Variants in KCNC2 observed in about 807,000 individuals in gnomAD.
The protein encoded by KCNC2 is potassium voltage-gated channel subfamily C member 2, also known as voltage-gated potassium channel KCNC2.
In KCNC2, 21 loss-of-function variants were observed where a neutral mutation model predicts 44.5. That is an observed-to-expected ratio of 0.47 (90% CI 0.33 to 0.68). The LOEUF is 0.68. Among genes scored for constraint, KCNC2 ranks in the 30% least tolerant of loss-of-function variants. KCNC2 has a pLI of 0.01. For missense variants in KCNC2, 589 were observed against 826.2 expected (o/e 0.71, Z 3.52); for synonymous variants, 391 against 339.1 (o/e 1.15, Z -1.68).
chr12:75,105,723 G>A (rs1886730421), intron 2 of KCNC2, among the ~76,000 whole-genome samples: 1 of 152,112 alleles, frequency 6.6e-6, no homozygotes, highest in Non-Finnish European at 1.5e-5. Context: ...GAATCAAGTT[G>A]CCATATCATG....
At chr12:75,043,308 TGCAG>T in intron 4 of KCNC2, 67 bp from the exon 5 acceptor site, 1 of 1,560,774 alleles carries the variant, frequency 6.4e-7, no homozygotes, top group Non-Finnish European at 8.7e-7. Context: ...AATAATACCA[TGCAG>T]GGCAATCAAA....
chr12:75,152,259 C>A (rs1171205429), intron 2 of KCNC2, among the ~76,000 whole-genome samples: 2 of 149,734 alleles, frequency 1.3e-5, no homozygotes, highest in South Asian at 2.1e-4. Flanking sequence ...CATACGTAAA[C>A]ATATCATAGT....
chr12:75,128,012 G>T (rs188047598), intron 2 of KCNC2, among the ~76,000 whole-genome samples: 79 of 152,006 alleles, frequency 5.2e-4, no homozygotes, highest in African/African-American at 1.8e-3. Context: ...AAATGAGAAT[G>T]GCAATGATAA....
At chr12:75,087,832 T>A (rs1255833276) in intron 2 of KCNC2, among the ~76,000 whole-genome samples, 1 of 151,908 alleles carries the variant, frequency 6.6e-6, no homozygotes, top group Non-Finnish European at 1.5e-5. Flanking sequence ...AAAGAACCTT[T>A]CCAAAAAGCA....
intron 4 of KCNC2, among the ~76,000 whole-genome samples, chr12:75,045,136 G>T (rs1444749333): frequency 2.6e-5 from 4 of 151,948 alleles, no homozygotes; most frequent in African/African-American, 7.2e-5. Context: ...GATTGGCTTC[G>T]ATTAAAGGCG....
chr12:75,137,953 C>A (rs532219746), intron 2 of KCNC2, among the ~76,000 whole-genome samples: 1 of 152,106 alleles, frequency 6.6e-6, no homozygotes, highest in Non-Finnish European at 1.5e-5. Context: ...AGAGAAAAAT[C>A]TAATTCAACA....
chr12:75,171,823 C>T (rs1239957835), intron 2 of KCNC2, among the ~76,000 whole-genome samples: 1 of 151,700 alleles, frequency 6.6e-6, no homozygotes, highest in Admixed American at 6.6e-5. Context: ...CTCAGTTAAC[C>T]TGATTTGATC....
Position 75,207,842 on chromosome 12 carries a change from T to A in KCNC2, c.142A>T (p.Thr48Ser). ...GGCTGCAGCTTGTCGCCCGCCGTGG[T>A]CAAGCAGTCGCCTGGGGGCTCGGAG... ...ASSEPPGDCL[T>S]TAGDKLQPSP... The change falls in exon 2 of 5, where the codon ACC becomes TCC. Residue 48 changes from threonine to serine, a missense_variant. Thr to Ser is a moderately conservative substitution (Grantham distance 58). Transcript: ENST00000549446. This position sits in a 1 kb window ranked among gnomAD's most constrained non-coding sequence, Gnocchi z 4.1. 6.2e-7 allele frequency: 1 copy of A among 1,610,270 alleles called. No individual in the cohort carries two copies. The highest frequency in any genetic ancestry group is 8.5e-7 in the Non-Finnish European group (1 of 1,179,316).
At chr12:75,109,163 T>C (rs771638612) in intron 2 of KCNC2, among the ~76,000 whole-genome samples, 5 of 152,196 alleles carry the variant, frequency 3.3e-5, no homozygotes, top group African/African-American at 7.2e-5. Flanking sequence ...TAGATACTGC[T>C]TGTTACATAG....
intron 2 of KCNC2, among the ~76,000 whole-genome samples, chr12:75,055,582 C>A (rs1428981224): frequency 6.6e-6 from 1 of 152,048 alleles, no homozygotes; most frequent in Non-Finnish European, 1.5e-5. Context: ...TATGTCATGT[C>A]AACTGATTGT....
At position 75,042,773 on chromosome 12, in the gene KCNC2, G is replaced by A; in HGVS notation, c.*332C>T. On this transcript the variant is annotated 3_prime_UTR_variant, in exon 5 of 5. Coordinates refer to ENST00000549446, the MANE Select transcript of KCNC2 (RefSeq NM_139137.4). Reference sequence around the variant, plus strand: ...AGTTCCAATGAAGTGGTTGGCATTTGGAAGCACACTGTTTTAAATATATCT... The same window carrying A: ...AGTTCCAATGAAGTGGTTGGCATTTAGAAGCACACTGTTTTAAATATATCT... The A allele has an allele frequency of 8.7e-7, 1 of 1,154,588 alleles. No individual in the cohort carries two copies. The highest frequency in any genetic ancestry group is 4.4e-5 in the Admixed American group (1 of 22,758). 71.5% of individuals were successfully genotyped at this position (1,154,588 alleles called of 1,614,324 possible).
intron 2 of KCNC2, among the ~76,000 whole-genome samples, chr12:75,184,833 T>A (rs1379067430): frequency 6.6e-6 from 1 of 152,206 alleles, no homozygotes; most frequent in Non-Finnish European, 1.5e-5. Context: ...TGTGAAATGA[T>A]CTGTGAATCC....
At chr12:75,075,482 T>TAC (rs869072600) in intron 2 of KCNC2, among the ~76,000 whole-genome samples, 4 of 127,264 alleles carry the variant, frequency 3.1e-5, no homozygotes. Flanking sequence ...TATATATATA[T>TAC]ACACATATAT....
At chr12:75,047,884 TA>T (rs543738715) in intron 4 of KCNC2, among the ~76,000 whole-genome samples, 103 of 152,214 alleles carry the variant, frequency 6.8e-4, no homozygotes, top group African/African-American at 2.3e-3. Flanking sequence ...ATTTAATATT[TA>T]CATATTCCAT....
chr12:75,053,745 A>G (rs1262944256), intron 2 of KCNC2, among the ~76,000 whole-genome samples: 2 of 147,672 alleles, frequency 1.4e-5, no homozygotes, highest in South Asian at 2.1e-4. Context: ...TTTTGCTATA[A>G]TATATATTAC....
In KCNC2 at chr12:75,207,909, G is replaced by A; in HGVS notation, c.75C>T (p.Thr25=). ...GGTRHETYRS[T]LKTLPGTRLA... The stretch of plus-strand genomic sequence containing the variant: ...GGCGTGTTCCAGGCAGGGTCTTGAG[G>A]GTGCTGCGGTAGGTTTCGTGCCGGG... Residue 25 remains threonine (T), a synonymous_variant, in exon 2 of 5, where the codon ACC becomes ACT. Transcript: ENST00000549446. This position sits in a 1 kb window ranked among gnomAD's most constrained non-coding sequence, Gnocchi z 4.1. 6.2e-7 allele frequency: 1 copy of A among 1,612,848 alleles called. No homozygotes were observed. Among genetic ancestry groups the A allele is most frequent in the Non-Finnish European group, 8.5e-7 (1 of 1,179,932 alleles).
At chr12:75,185,331 T>C (rs578232969) in intron 2 of KCNC2, among the ~76,000 whole-genome samples, 1 of 152,170 alleles carries the variant, frequency 6.6e-6, no homozygotes, top group Non-Finnish European at 1.5e-5. Flanking sequence ...GGTTTGAAAG[T>C]GCCCCTCAAA....
In KCNC2 at chr12:75,051,319, T is replaced by C; in HGVS notation, c.688-2A>G. ...GAATAAAGAAGCAAAAGCAATAAAC[T>C]GTAGAGGAAAAAGAAATAAAAAAAC... On this transcript the variant is annotated splice_acceptor_variant, in intron 2 of 4. Coordinates refer to ENST00000549446, the MANE Select transcript of KCNC2 (RefSeq NM_139137.4). LOFTEE classifies it high-confidence loss of function. The C allele has an allele frequency of 6.5e-7, 1 of 1,534,564 alleles. No individual in the cohort carries two copies.
intron 2 of KCNC2, among the ~76,000 whole-genome samples, chr12:75,141,743 A>T (rs1889668307): frequency 6.6e-6 from 1 of 152,166 alleles, no homozygotes; most frequent in Non-Finnish European, 1.5e-5. Flanking sequence ...TGGTCCTGAG[A>T]CTGGGTTGAG....
Sources: allele counts gnomAD v4.1 joint callset (sites outside exome capture counted in the v4.1 genomes callset), GRCh38; gene constraint gnomAD v4.1.1; non-coding constraint Gnocchi (gnomAD v3.1); transcripts MANE v1.5; gene names NCBI Gene and HGNC (gene_info 2026-07-23, HGNC 2026-07-21).